RIMS2: variants seen among roughly 807,000 people sequenced by gnomAD.
The protein encoded by RIMS2 is regulating synaptic membrane exocytosis protein 2.
RIMS2 carries 59 observed loss-of-function variants against 174.4 expected under a neutral mutation model. The observed-to-expected ratio is 0.34, with a 90% CI of 0.27 to 0.42. The LOEUF (loss-of-function observed/expected upper bound fraction) is 0.42. RIMS2 is among the 10% of genes least tolerant of loss of function. The pLI, the probability that RIMS2 is intolerant of heterozygous loss-of-function variation, is 1.00. For missense variants in RIMS2, 1,620 were observed against 1,666.3 expected, an observed-to-expected ratio of 0.97 and a Z score of 0.48; for synonymous variants, 606 against 572.5, an observed-to-expected ratio of 1.06 and a Z score of -0.84.
At chr8:104,071,901 A>G (rs2097203269) in intron 19 of RIMS2, among the ~76,000 whole-genome samples, 2 of 152,220 alleles carry the variant, frequency 1.3e-5, no homozygotes, top group Admixed American at 6.5e-5. Context: ...GATGTCTTCA[A>G]GAAAATGGAG....
At chr8:103,975,393 A>C (rs757036747) in exon 16 of RIMS2, 1 of 1,612,520 alleles carries the variant, frequency 6.2e-7, no homozygotes, top group East Asian at 2.2e-5. Flanking sequence ...CAACATTATC[A>C]GTGCCAGAAC....
chr8:103,778,870 G>A (rs1276308921), intron 3 of RIMS2, among the ~76,000 whole-genome samples: 1 of 152,116 alleles, frequency 6.6e-6, no homozygotes, highest in Non-Finnish European at 1.5e-5. Context: ...TCCCCACCAA[G>A]TGTATGAGAG....
chr8:104,176,921 A>T (rs1205919253), intron 19 of RIMS2, among the ~76,000 whole-genome samples: 1 of 152,078 alleles, frequency 6.6e-6, no homozygotes, highest in East Asian at 1.9e-4. Context: ...GACTAAAAGC[A>T]GTATGGTTAT....
chr8:103,501,285 G>A, intron 1 of RIMS2: 1 of 197,848 alleles, frequency 5.1e-6, no homozygotes, highest in East Asian at 6.4e-5. Flanking sequence ...CTGAGGTGAG[G>A]GTGGCGAGCC....
chr8:104,098,519 A>G (rs1193969216), intron 19 of RIMS2, among the ~76,000 whole-genome samples: 1 of 152,172 alleles, frequency 6.6e-6, no homozygotes, highest in Non-Finnish European at 1.5e-5. Flanking sequence ...TCAAACTAAA[A>G]ATCAAGAAAT....
At chr8:104,088,660 T>G (rs1195799993) in intron 19 of RIMS2, among the ~76,000 whole-genome samples, 1 of 151,978 alleles carries the variant, frequency 6.6e-6, no homozygotes, top group Non-Finnish European at 1.5e-5. Flanking sequence ...TTTAAGGAAG[T>G]TCATAATCCT....
At chr8:103,986,998 A>G (rs1319683837) in intron 16 of RIMS2, among the ~76,000 whole-genome samples, 3 of 152,194 alleles carry the variant, frequency 2.0e-5, no homozygotes, top group African/African-American at 7.2e-5. Flanking sequence ...ACTAAAAAGT[A>G]CTATGGGTAA....
At chr8:104,101,059 AAT>A (rs1488121957) in intron 19 of RIMS2, among the ~76,000 whole-genome samples, 9 of 143,532 alleles carry the variant, frequency 6.3e-5, no homozygotes, top group Non-Finnish European at 1.1e-4. Context: ...TTACATATGT[AAT>A]ATATGTTATA....
chr8:103,734,492 G>A (rs539989556), intron 2 of RIMS2, among the ~76,000 whole-genome samples: 82 of 148,824 alleles, frequency 5.5e-4, no homozygotes, highest in South Asian at 4.5e-3. Context: ...AAACATATTA[G>A]TATTTTTATT....
chr8:103,628,428 C>T (rs2095838120), intron 1 of RIMS2, among the ~76,000 whole-genome samples: 1 of 150,790 alleles, frequency 6.6e-6, no homozygotes, highest in Admixed American at 6.6e-5. Context: ...GATCTCAGCT[C>T]ACCACAACCT....
chr8:103,538,750 A>G (rs1587111733), intron 1 of RIMS2, among the ~76,000 whole-genome samples: 1 of 151,982 alleles, frequency 6.6e-6, no homozygotes. Context: ...CCCGTGATCC[A>G]CCCGCCTTGG....
At chr8:104,134,133 A>G (rs1000014602) in intron 19 of RIMS2, among the ~76,000 whole-genome samples, 2 of 152,218 alleles carry the variant, frequency 1.3e-5, no homozygotes, top group Non-Finnish European at 2.9e-5. Flanking sequence ...AATTTTAAAA[A>G]GTAAATGTTA....
intron 19 of RIMS2, among the ~76,000 whole-genome samples, chr8:104,153,552 C>T (rs967028604): frequency 6.6e-6 from 1 of 152,118 alleles, no homozygotes; most frequent in African/African-American, 2.4e-5. Flanking sequence ...CATTAGACAT[C>T]TAAGTACAGT....
At position 104,069,264 on chromosome 8, in the gene RIMS2, T is replaced by C. The variant is rs547025856; in HGVS notation, c.3334+54649T>C. Among the ~76,000 whole-genome samples, 6 of 152,290 alleles carry C rather than the reference T, an allele frequency of 3.9e-5. No individual in the cohort carries two copies. In the South Asian group the frequency reaches 1.0e-3, roughly 26 times the overall value. On this transcript the variant is annotated intron_variant, in intron 19 of 23. Coordinates refer to ENST00000504942, the Ensembl canonical transcript of RIMS2. Reference sequence around the variant, plus strand: ...AAGCTAAGCTGTGATGTTCAGAAGATGTATTAAATGCATTTTCAACTTACA... The same window carrying C: ...AAGCTAAGCTGTGATGTTCAGAAGACGTATTAAATGCATTTTCAACTTACA...
intron 1 of RIMS2, among the ~76,000 whole-genome samples, chr8:103,662,091 A>G (rs1339720653): frequency 1.3e-5 from 2 of 152,206 alleles, no homozygotes; most frequent in African/African-American, 4.8e-5. Context: ...ATGATAGCTG[A>G]TGAGCTAAAA....
intron 1 of RIMS2, among the ~76,000 whole-genome samples, chr8:103,615,434 C>T (rs1055594397): frequency 2.0e-5 from 3 of 152,032 alleles, no homozygotes; most frequent in African/African-American, 7.2e-5. Flanking sequence ...TTAGAAAGAT[C>T]TCACATTAAC....
At chr8:103,977,011 A>G (rs978790429) in intron 16 of RIMS2, 1 of 152,228 alleles carries the variant, frequency 6.6e-6, no homozygotes, top group Non-Finnish European at 1.5e-5. Flanking sequence ...TACATTGTAC[A>G]TACTTGGAAT....
At chr8:104,107,470 C>T (rs1249347110) in intron 19 of RIMS2, among the ~76,000 whole-genome samples, 2 of 152,088 alleles carry the variant, frequency 1.3e-5, no homozygotes, top group Admixed American at 1.3e-4. Context: ...CCAGTATCTA[C>T]AATATTTCAT....
chr8:103,797,159 A>G (rs766529964), intron 3 of RIMS2, among the ~76,000 whole-genome samples: 2 of 152,200 alleles, frequency 1.3e-5, no homozygotes, highest in Non-Finnish European at 2.9e-5. Flanking sequence ...GTGCCTTGGC[A>G]TATCGGCCTA....
Sources: gnomAD v4.1 joint callset for allele counts (sites outside exome capture counted in the v4.1 genomes callset) on GRCh38, gnomAD v4.1.1 for gene constraint, MANE v1.5 for transcripts, NCBI Gene and HGNC (gene_info 2026-07-23, HGNC 2026-07-21) for gene names.